ACBD6: variants seen among roughly 807,000 people sequenced by gnomAD.
ACBD6 encodes acyl-CoA-binding domain-containing protein 6.
ACBD6 carries 28 observed loss-of-function variants against 37.2 expected under a neutral mutation model. That is an observed-to-expected ratio of 0.75 (90% CI 0.56 to 1.03). The LOEUF (loss-of-function observed/expected upper bound fraction) is 1.03, where lower values mean the gene tolerates loss of function less well. ACBD6 is among the 50% of genes least tolerant of loss of function. The pLI is 0.00. For missense variants in ACBD6, 340 were observed against 337.4 expected (o/e 1.01, Z -0.06); for synonymous variants, 113 against 126.8 (o/e 0.89, Z 0.73).
intron 6 of ACBD6, among the ~76,000 whole-genome samples, chr1:180,396,703 T>C (rs1654274041): frequency 6.6e-6 from 1 of 152,170 alleles, no homozygotes; most frequent in African/African-American, 2.4e-5. Flanking sequence ...TCCATATCAT[T>C]AGTCATTAGG....
intron 6 of ACBD6, among the ~76,000 whole-genome samples, chr1:180,392,664 C>G (rs1195799875): frequency 2.0e-5 from 3 of 152,078 alleles, no homozygotes; most frequent in African/African-American, 7.2e-5. Flanking sequence ...ATAGTAAACA[C>G]TAAATACTTG....
At chr1:180,440,326 C>T (rs772131681) in intron 3 of ACBD6, among the ~76,000 whole-genome samples, 64 of 152,218 alleles carry the variant, frequency 4.2e-4, no homozygotes, top group Middle Eastern at 3.4e-3. Context: ...TCAGCCTGGT[C>T]TCGAACTCCT....
In ACBD6 at chr1:180,427,249, AT is replaced by A. The variant is rs1412542792; in HGVS notation, c.467+2930del. On this transcript the variant is annotated intron_variant, in intron 4 of 7. Coordinates refer to ENST00000367595, the MANE Select transcript of ACBD6 (RefSeq NM_032360.4). ...CCTGATCTTTACAAATGTAAAAAAA[AT>A]CTGGAGTTATAAAGTATCAAAACAA... Among the ~76,000 whole-genome samples the A allele has an allele frequency of 3.3e-5, 5 of 152,236 alleles. 1 individual carries two copies. Among genetic ancestry groups the A allele is most frequent in the Non-Finnish European group, 7.3e-5 (5 of 68,048 alleles).
intron 3 of ACBD6, among the ~76,000 whole-genome samples, chr1:180,485,742 C>A (rs560262693): frequency 1.1e-3 from 167 of 152,272 alleles, no homozygotes; most frequent in African/African-American, 3.6e-3. Flanking sequence ...GAAACTAACA[C>A]TGCTTGAAAC....
At chr1:180,284,479 T>G (rs924695076), downstream of ACBD6, among the ~76,000 whole-genome samples, 2 of 152,008 alleles carry the variant, frequency 1.3e-5, no homozygotes, top group Non-Finnish European at 2.9e-5. Flanking sequence ...TTCTCCTGCC[T>G]TAGCTTCCCA....
exon 14 of ACBD6, chr1:180,270,244 A>G (rs1442262751): frequency 6.6e-6 from 1 of 152,248 alleles, no homozygotes; most frequent in East Asian, 1.9e-4. Context: ...AGGTGCTAAC[A>G]CATGTTGGCT....
At chr1:180,415,882 G>GT (rs940997285) in intron 4 of ACBD6, among the ~76,000 whole-genome samples, 10 of 151,844 alleles carry the variant, frequency 6.6e-5, no homozygotes, top group South Asian at 4.2e-4. Context: ...ATATCAACTA[G>GT]TTTTTTTTGC....
chr1:180,328,584 T>G (rs2149298982), intron 6 of ACBD6, among the ~76,000 whole-genome samples: 1 of 152,238 alleles, frequency 6.6e-6, no homozygotes, highest in East Asian at 1.9e-4. Flanking sequence ...TTATATCCAG[T>G]AATTTACTTA....
At chr1:180,373,209 A>C (rs1653322916) in intron 6 of ACBD6, among the ~76,000 whole-genome samples, 1 of 152,104 alleles carries the variant, frequency 6.6e-6, no homozygotes, top group Non-Finnish European at 1.5e-5. Flanking sequence ...TGATTACCTC[A>C]TTTATTTTTT....
chr1:180,439,412 G>A (rs150583572), intron 3 of ACBD6, among the ~76,000 whole-genome samples: 2,984 of 152,068 alleles, frequency 0.02, 99 homozygotes, highest in African/African-American at 0.067. Context: ...GTGAAACCCC[G>A]TCTCTACTAA....
intron 6 of ACBD6, among the ~76,000 whole-genome samples, chr1:180,334,860 G>A (rs188615659): frequency 2.6e-5 from 4 of 152,248 alleles, no homozygotes; most frequent in East Asian, 1.9e-4. Flanking sequence ...ACTACGTGAC[G>A]AATGCACAAG....
At chr1:180,323,188 G>A (rs1476857605) in intron 6 of ACBD6, among the ~76,000 whole-genome samples, 1 of 151,906 alleles carries the variant, frequency 6.6e-6, no homozygotes, top group African/African-American at 2.4e-5. Context: ...TTACAGGCCA[G>A]TATCTCTGAT....
intron 3 of ACBD6, among the ~76,000 whole-genome samples, chr1:180,468,978 C>T (rs548366792): frequency 2.6e-5 from 4 of 152,288 alleles, no homozygotes; most frequent in Admixed American, 2.6e-4. Context: ...ACCTGCTTGC[C>T]ATCACCTCTA....
chr1:180,481,374 GAC>G (rs1651037269), intron 3 of ACBD6, among the ~76,000 whole-genome samples: 1 of 152,084 alleles, frequency 6.6e-6, no homozygotes, highest in African/African-American at 2.4e-5. Context: ...GATAAGGAGA[GAC>G]ACAGTTTTGA....
chr1:180,494,811 A>G (rs1168345756), intron 2 of ACBD6, among the ~76,000 whole-genome samples: 1 of 152,196 alleles, frequency 6.6e-6, no homozygotes, highest in Non-Finnish European at 1.5e-5. Flanking sequence ...CACTTAGACA[A>G]GGTAAGAGAA....
rs1650305201 is a variant in ACBD6 at position 180,305,207 on chromosome 1, CAACACCCAAAAGCA to C, written c.694+9471_694+9484del. Among the ~76,000 whole-genome samples the C allele has an allele frequency of 2.0e-5, 3 of 151,936 alleles. No individual in the cohort carries two copies. In the East Asian group the frequency reaches 5.8e-4, roughly 29 times the overall value. ...GGCATGGGCAAGGACTTCATGTCTA[CAACACCCAAAAGCA>C]ATGGCAACAAAAGCCAAAATTGACA... On this transcript the variant is annotated intron_variant, in intron 7 of 7. Transcript: ENST00000367595.
At chr1:180,486,052 G>C (rs977743021) in intron 3 of ACBD6, among the ~76,000 whole-genome samples, 5 of 151,928 alleles carry the variant, frequency 3.3e-5, no homozygotes, top group African/African-American at 1.2e-4. Flanking sequence ...TCTACTATGA[G>C]CCCCGAGTGT....
intron 5 of ACBD6, among the ~76,000 whole-genome samples, chr1:180,406,943 T>A (rs1376006386): frequency 6.6e-6 from 1 of 152,218 alleles, no homozygotes; most frequent in African/African-American, 2.4e-5. Context: ...AGTATTTAAC[T>A]AGAAGTTTAA....
intron 3 of ACBD6, among the ~76,000 whole-genome samples, chr1:180,474,465 T>A (rs941831881): frequency 6.7e-6 from 1 of 149,046 alleles, no homozygotes; most frequent in Non-Finnish European, 1.5e-5. Context: ...AAAAAAAAAA[T>A]CTTCTAAAAT....
Sources: allele counts gnomAD v4.1 joint callset (sites outside exome capture counted in the v4.1 genomes callset), GRCh38; gene constraint gnomAD v4.1.1; transcripts MANE v1.5; gene names NCBI Gene and HGNC (gene_info 2026-07-23, HGNC 2026-07-21).